The following NCAM2 variants were observed in gnomAD, a reference collection of about 807,000 sequenced individuals.
NCAM2 encodes the protein neural cell adhesion molecule 2, also known as N-CAM-2.
In NCAM2, 30 loss-of-function variants were observed where a neutral mutation model predicts 98.1. The ratio of observed to expected loss-of-function variants is 0.31; its 90% CI spans 0.23 to 0.41. NCAM2 has a LOEUF of 0.41. NCAM2 is among the 10% of genes least tolerant of loss of function. NCAM2 has a pLI of 1.00. For synonymous variants in NCAM2, 368 were observed against 342.4 expected, an observed-to-expected ratio of 1.07 and a Z score of -0.83; for missense variants, 867 against 1,005.8, an observed-to-expected ratio of 0.86 and a Z score of 1.87.
chr21:21,471,680 G>T (rs1984458050), intron 14 of NCAM2, among the ~76,000 whole-genome samples: 1 of 151,940 alleles, frequency 6.6e-6, no homozygotes, highest in South Asian at 2.1e-4. Context: ...TATATGACTT[G>T]ATTTCTAGCA....
chr21:21,420,166 A>G (rs982852586), intron 11 of NCAM2, among the ~76,000 whole-genome samples: 2 of 152,180 alleles, frequency 1.3e-5, no homozygotes, highest in African/African-American at 2.4e-5. Context: ...ACAAAGAGCT[A>G]TCTTACTTCT....
At chr21:21,307,316 C>A (rs7279496) in intron 5 of NCAM2, among the ~76,000 whole-genome samples, 126,356 of 152,106 alleles carry the variant, frequency 0.83, 52,763 homozygotes, top group East Asian at 0.99. Context: ...TTTTCAAATG[C>A]TGTTGCACTA....
rs565650106 is a variant in NCAM2, at chr21:21,008,946, A to G, written c.55+10328A>G. 1.5e-3 allele frequency among the ~76,000 whole-genome samples: 227 copies of G among 152,322 alleles called. 1 individual carries two copies. The highest frequency in any genetic ancestry group is 2.4e-3 in the Non-Finnish European group (165 of 68,014). On this transcript the variant is annotated intron_variant, in intron 1 of 17. Transcript: ENST00000400546. Reference sequence around the variant, plus strand: ...TCATTGTTAAAGGCTTTGAGGAGCCAATCAAAGATGAGATAATATACCTGA... The same window carrying G: ...TCATTGTTAAAGGCTTTGAGGAGCCGATCAAAGATGAGATAATATACCTGA...
chr21:21,241,141 A>G (rs887997170), intron 1 of NCAM2, among the ~76,000 whole-genome samples: 11 of 152,270 alleles, frequency 7.2e-5, no homozygotes, highest in Middle Eastern at 3.5e-3. Context: ...ATACAATAGT[A>G]TATGATGCAA....
At chr21:21,265,004 A>G (rs2072113708) in intron 1 of NCAM2, among the ~76,000 whole-genome samples, 1 of 108,550 alleles carries the variant, frequency 9.2e-6, no homozygotes, top group Non-Finnish European at 1.8e-5. Context: ...GTGTATATAT[A>G]CACATATATA....
At chr21:21,040,504 A>T (rs141146681) in intron 1 of NCAM2, among the ~76,000 whole-genome samples, 4 of 152,282 alleles carry the variant, frequency 2.6e-5, no homozygotes, top group Admixed American at 6.5e-5. Context: ...GCAATATTCT[A>T]TAGTAAGTGC....
intron 1 of NCAM2, among the ~76,000 whole-genome samples, chr21:21,167,276 T>G (rs1349797117): frequency 6.6e-6 from 1 of 152,112 alleles, no homozygotes; most frequent in Non-Finnish European, 1.5e-5. Context: ...GCTAAAAATT[T>G]TAGCCATGAT....
chr21:21,268,050 C>T (rs1346037958), intron 1 of NCAM2, among the ~76,000 whole-genome samples: 1 of 152,090 alleles, frequency 6.6e-6, no homozygotes, highest in African/African-American at 2.4e-5. Flanking sequence ...GCATTTTTGG[C>T]TCTTGTGAAT....
chr21:21,382,682 A>ATTTTG (rs1038599680), intron 9 of NCAM2, among the ~76,000 whole-genome samples: 13 of 151,578 alleles, frequency 8.6e-5, no homozygotes, highest in African/African-American at 1.9e-4. Context: ...TGCGAGGCTA[A>ATTTTG]TTTTGTTTTG....
intron 1 of NCAM2, among the ~76,000 whole-genome samples, chr21:21,004,479 A>G (rs2064076411): frequency 1.3e-5 from 2 of 152,122 alleles, no homozygotes; most frequent in Non-Finnish European, 2.9e-5. Context: ...TTGCATACCT[A>G]TTTTTGATAT....
chr21:21,080,239 G>C (rs997819651), intron 1 of NCAM2, among the ~76,000 whole-genome samples: 1 of 152,076 alleles, frequency 6.6e-6, no homozygotes, highest in Admixed American at 6.6e-5. Flanking sequence ...TTTGTGTAAT[G>C]ATTACATCAC....
chr21:21,335,759 A>G (rs773687457), intron 7 of NCAM2, 94 bp downstream of exon 7: 513 of 1,036,032 alleles, frequency 5.0e-4, no homozygotes, highest in Non-Finnish European at 6.0e-4. Flanking sequence ...TAAACTTTCC[A>G]TATTAAATCT....
intron 12 of NCAM2, among the ~76,000 whole-genome samples, chr21:21,446,463 C>T (rs1435091077): frequency 1.3e-5 from 2 of 152,000 alleles, no homozygotes; most frequent in African/African-American, 4.8e-5. Context: ...TCTTCAGGTA[C>T]TCCAATCAAT....
chr21:21,273,186 A>G (rs2072594007), intron 1 of NCAM2, among the ~76,000 whole-genome samples: 1 of 152,194 alleles, frequency 6.6e-6, no homozygotes, highest in Non-Finnish European at 1.5e-5. Flanking sequence ...CAGCCTTCTC[A>G]TCTCTAAAAC....
At chr21:21,258,168 G>A (rs1306551993) in intron 1 of NCAM2, among the ~76,000 whole-genome samples, 6 of 152,096 alleles carry the variant, frequency 3.9e-5, no homozygotes, top group Admixed American at 3.9e-4. Flanking sequence ...CACAGAATGT[G>A]TATTTTTTTG....
chr21:21,126,560 G>C (rs775755152), intron 1 of NCAM2, among the ~76,000 whole-genome samples: 14 of 151,830 alleles, frequency 9.2e-5, no homozygotes, highest in Non-Finnish European at 7.4e-5. Context: ...ATTTGTGTTT[G>C]TGTGTATTCT....
At chr21:21,327,232 C>T (rs182809075) in intron 6 of NCAM2, among the ~76,000 whole-genome samples, 2 of 139,252 alleles carry the variant, frequency 1.4e-5, no homozygotes, top group African/African-American at 2.7e-5. Context: ...AGCTTGAACC[C>T]GGGAGACGGA....
At chr21:21,145,029 ATTAC>A (rs2067243692) in intron 1 of NCAM2, among the ~76,000 whole-genome samples, 2 of 152,148 alleles carry the variant, frequency 1.3e-5, no homozygotes, top group African/African-American at 4.8e-5. Flanking sequence ...TTCAAGCAAT[ATTAC>A]TTTATACTAA....
chr21:21,040,410 T>G (rs6518047), intron 1 of NCAM2, among the ~76,000 whole-genome samples: 2 of 151,982 alleles, frequency 1.3e-5, no homozygotes. Context: ...TTTAGATATA[T>G]GAATATATAT....
Sources: gnomAD v4.1 joint callset for allele counts (sites outside exome capture counted in the v4.1 genomes callset) on GRCh38, gnomAD v4.1.1 for gene constraint, MANE v1.5 for transcripts, NCBI Gene and HGNC (gene_info 2026-07-23, HGNC 2026-07-21) for gene names.